The following RIMS2 variants were observed in gnomAD, a reference collection of about 807,000 sequenced individuals.
RIMS2 encodes regulating synaptic membrane exocytosis 2.
Under a neutral mutation model 174.4 loss-of-function variants are expected in RIMS2, and 59 were observed. The observed-to-expected ratio is 0.34, with a 90% confidence interval of 0.27 to 0.42. The LOEUF (loss-of-function observed/expected upper bound fraction) is 0.42, where lower values mean the gene tolerates loss of function less well. Ranked by LOEUF, RIMS2 falls within the 10% of genes least tolerant of loss-of-function variation. The pLI, the probability that RIMS2 is intolerant of heterozygous loss-of-function variation, is 1.00. For synonymous variants in RIMS2, 606 were observed against 572.5 expected (o/e 1.06, Z -0.84); for missense variants, 1,620 against 1,666.3 (o/e 0.97, Z 0.48).
At chr8:104,127,503 G>T (rs2098441463) in intron 19 of RIMS2, among the ~76,000 whole-genome samples, 1 of 152,168 alleles carries the variant, frequency 6.6e-6, no homozygotes, top group South Asian at 2.1e-4. Flanking sequence ...ATTGTGTTAA[G>T]AGTGCAGACT....
intron 17 of RIMS2, among the ~76,000 whole-genome samples, chr8:104,012,155 G>A: frequency 6.6e-6 from 1 of 151,824 alleles, no homozygotes; most frequent in Non-Finnish European, 1.5e-5. Context: ...TAAATCACAT[G>A]ATAGTATATG....
chr8:104,085,718 G>C (rs2097525966), intron 19 of RIMS2, among the ~76,000 whole-genome samples: 1 of 152,156 alleles, frequency 6.6e-6, no homozygotes, highest in Admixed American at 6.5e-5. Flanking sequence ...TGGCTGATTA[G>C]AATGGAGGAT....
intron 17 of RIMS2, 60 bp downstream of exon 19, chr8:103,989,481 G>A (rs2094553988): frequency 1.2e-6 from 1 of 857,274 alleles, no homozygotes; most frequent in African/African-American, 1.7e-5. Flanking sequence ...TTTCAGGAAG[G>A]GGTTACCATA....
chr8:104,115,489 A>G (rs2098265046), intron 19 of RIMS2, among the ~76,000 whole-genome samples: 1 of 152,190 alleles, frequency 6.6e-6, no homozygotes, highest in Non-Finnish European at 1.5e-5. Context: ...TTAGCCAACT[A>G]GAAGTAAACT....
chr8:103,821,269 T>A (rs1346483741), intron 3 of RIMS2, among the ~76,000 whole-genome samples: 2 of 151,718 alleles, frequency 1.3e-5, no homozygotes, highest in East Asian at 1.9e-4. Flanking sequence ...CCTTTAAAGC[T>A]CTCATTAAAA....
intron 1 of RIMS2, among the ~76,000 whole-genome samples, chr8:103,641,912 T>G (rs564450262): frequency 5.9e-5 from 9 of 152,242 alleles, no homozygotes; most frequent in African/African-American, 2.2e-4. Context: ...AATAAACGTT[T>G]GTTCTTTATA....
chr8:103,611,847 C>A (rs993443037), intron 1 of RIMS2, among the ~76,000 whole-genome samples: 2 of 152,028 alleles, frequency 1.3e-5, no homozygotes, highest in Admixed American at 1.3e-4. Context: ...CTGATATTAT[C>A]CTTTTCAATA....
intron 1 of RIMS2, among the ~76,000 whole-genome samples, chr8:103,515,797 T>A (rs1313366423): frequency 6.6e-6 from 1 of 152,094 alleles, no homozygotes; most frequent in Non-Finnish European, 1.5e-5. Flanking sequence ...TGTTTCAAAA[T>A]CTTAATTTAC....
At chr8:104,237,613 T>C (rs2099265311) in intron 19 of RIMS2, among the ~76,000 whole-genome samples, 1 of 152,194 alleles carries the variant, frequency 6.6e-6, no homozygotes, top group Non-Finnish European at 1.5e-5. Flanking sequence ...CACCATGCTG[T>C]AGCTACTAGA....
intron 2 of RIMS2, among the ~76,000 whole-genome samples, chr8:103,753,507 G>A (rs548759383): frequency 6.6e-6 from 1 of 152,262 alleles, no homozygotes; most frequent in African/African-American, 2.4e-5. Context: ...GTTTCAGAAG[G>A]AATGGTACCA....
chr8:103,754,169 C>T (rs911916805), intron 2 of RIMS2, among the ~76,000 whole-genome samples: 1 of 152,124 alleles, frequency 6.6e-6, no homozygotes, highest in African/African-American at 2.4e-5. Context: ...TTTATTTCTG[C>T]CTTCATTTCG....
intron 3 of RIMS2, among the ~76,000 whole-genome samples, chr8:103,863,355 T>C (rs1163964015): frequency 6.6e-6 from 1 of 152,148 alleles, no homozygotes; most frequent in African/African-American, 2.4e-5. Flanking sequence ...GGTTTGCTAG[T>C]ATTTTGTTGA....
chr8:103,924,859 C>A (rs572444851), intron 10 of RIMS2, among the ~76,000 whole-genome samples: 1 of 151,418 alleles, frequency 6.6e-6, no homozygotes, highest in Non-Finnish European at 1.5e-5. Flanking sequence ...TTGAATTGTC[C>A]TGCTGCTTAT....
At chr8:104,231,977 T>TGG (rs2099232139) in intron 19 of RIMS2, among the ~76,000 whole-genome samples, 1 of 152,240 alleles carries the variant, frequency 6.6e-6, no homozygotes, top group South Asian at 2.1e-4. Context: ...CACAGAAAGT[T>TGG]CTACTGGACA....
intron 1 of RIMS2, among the ~76,000 whole-genome samples, chr8:103,565,496 C>T (rs2092240799): frequency 1.3e-5 from 2 of 151,916 alleles, no homozygotes. Context: ...GTAGACACGT[C>T]GTTTTTGCCA....
chr8:103,613,664 A>T (rs1490598784), intron 1 of RIMS2, among the ~76,000 whole-genome samples: 1 of 152,172 alleles, frequency 6.6e-6, no homozygotes, highest in East Asian at 1.9e-4. Flanking sequence ...TCCTATAGTC[A>T]GTGCGTCTCA....
At chr8:103,681,812 A>C (rs1411731995) in intron 1 of RIMS2, among the ~76,000 whole-genome samples, 2 of 152,022 alleles carry the variant, frequency 1.3e-5, no homozygotes, top group African/African-American at 4.8e-5. Flanking sequence ...TACAGAGTAG[A>C]TTGAAGGGAA....
At chr8:103,728,748 C>CTTTTTTTTTTTTTTTTTTTTTTT (rs71575982) in intron 2 of RIMS2, among the ~76,000 whole-genome samples, 5 of 92,662 alleles carry the variant, frequency 5.4e-5, no homozygotes, top group African/African-American at 1.4e-4. Context: ...TATGCTCCTT[C>CTTTTTTTTTTTTTTTTTTTTTTT]TTTTTTTTTT....
intron 1 of RIMS2, among the ~76,000 whole-genome samples, chr8:103,686,416 A>G (rs922903812): frequency 9.9e-5 from 15 of 152,132 alleles, no homozygotes; most frequent in Admixed American, 4.6e-4. Flanking sequence ...TACTGATCTT[A>G]GGGGGAAGCA....
Sources: allele counts gnomAD v4.1 joint callset (sites outside exome capture counted in the v4.1 genomes callset), GRCh38; gene constraint gnomAD v4.1.1; transcripts MANE v1.5; gene names NCBI Gene and HGNC (gene_info 2026-07-23, HGNC 2026-07-21).